Variants in STPG4 observed in about 807,000 individuals in gnomAD.
STPG4 encodes sperm-tail PG-rich repeat containing 4, also known as protein STPG4.
A neutral mutation model predicts 31.5 loss-of-function variants in STPG4; 41 were observed. The ratio of observed to expected loss-of-function variants is 1.30; its 90% CI spans 1.01 to 1.69. The LOEUF is 1.69. STPG4 is among the 40% of genes most tolerant of loss of function. The pLI is 0.00. For synonymous variants in STPG4, 141 were observed against 103.0 expected (o/e 1.37, Z -2.24); for missense variants, 375 against 293.4 (o/e 1.28, Z -2.03).
intron 5 of STPG4, among the ~76,000 whole-genome samples, chr2:47,091,864 T>C (rs1301794733): frequency 2.0e-5 from 3 of 152,034 alleles, no homozygotes; most frequent in Admixed American, 1.3e-4. Flanking sequence ...GACTGTAACA[T>C]TGTTTCCAAA....
chr2:47,114,275 T>C (rs1270484266), intron 5 of STPG4, among the ~76,000 whole-genome samples: 1 of 151,788 alleles, frequency 6.6e-6, no homozygotes, highest in Non-Finnish European at 1.5e-5. Context: ...AAGTCTGAGG[T>C]GGGCAGATCG....
chr2:47,112,934 G>A (rs2103756854), intron 5 of STPG4, among the ~76,000 whole-genome samples: 1 of 145,610 alleles, frequency 6.9e-6, no homozygotes, highest in Middle Eastern at 3.5e-3. Context: ...GGAGCCTGCA[G>A]TGAGCCAAGA....
chr2:47,089,938 G>T (rs1236127912), intron 6 of STPG4, among the ~76,000 whole-genome samples: 1 of 152,176 alleles, frequency 6.6e-6, no homozygotes, highest in East Asian at 1.9e-4. Context: ...CTGGCTGGCA[G>T]GAGGCAGCCA....
Position 47,136,522 on chromosome 2 carries a change from T to C in STPG4, c.400-6262A>G, listed in dbSNP as rs141044803. 2.4e-4 allele frequency among the ~76,000 whole-genome samples: 37 copies of C among 152,354 alleles called. No individual in the cohort carries two copies. In the East Asian group the frequency reaches 6.0e-3, roughly 25 times the overall value. On this transcript the variant is annotated intron_variant, in intron 3 of 6. Coordinates refer to ENST00000445927, the MANE Select transcript of STPG4 (RefSeq NM_001163561.2). ...TCGTGTACATATTTTGTTAGATTTA[T>C]ACCTAAGTATGTCATCTTTCGGCGT...
intron 5 of STPG4, among the ~76,000 whole-genome samples, chr2:47,095,769 C>T (rs1269893550): frequency 1.3e-5 from 2 of 152,218 alleles, no homozygotes; most frequent in Non-Finnish European, 2.9e-5. Context: ...TAAGGATTCA[C>T]TTTCCCAGCC....
chr2:47,097,483 AG>A (rs1332732140), intron 5 of STPG4, among the ~76,000 whole-genome samples: 1 of 152,106 alleles, frequency 6.6e-6, no homozygotes, highest in Non-Finnish European at 1.5e-5. Flanking sequence ...CTTCTTCCTC[AG>A]GGATGGGACT....
chr2:47,113,026 A>G (rs970055022), intron 5 of STPG4, among the ~76,000 whole-genome samples: 5 of 151,686 alleles, frequency 3.3e-5, no homozygotes, highest in African/African-American at 1.2e-4. Context: ...ACAAGTAAAA[A>G]TTAGAAGAAA....
At chr2:47,092,886 G>A (rs971566452) in intron 5 of STPG4, among the ~76,000 whole-genome samples, 2 of 152,026 alleles carry the variant, frequency 1.3e-5, no homozygotes, top group Non-Finnish European at 2.9e-5. Flanking sequence ...TCCGCCTCCT[G>A]GGTTCAAGCG....
intron 3 of STPG4, among the ~76,000 whole-genome samples, chr2:47,133,568 A>ATTTTTTTTTT (rs1347133934): frequency 3.9e-4 from 14 of 36,360 alleles, no homozygotes; most frequent in Non-Finnish European, 9.6e-4. Context: ...AGGCACTCAA[A>ATTTTTTTTTT]TCTTTTTTTT....
intron 3 of STPG4, among the ~76,000 whole-genome samples, chr2:47,147,971 A>C (rs1259348822): frequency 8.5e-6 from 1 of 117,488 alleles, no homozygotes; most frequent in Non-Finnish European, 1.8e-5. Context: ...TTTTTTTTTG[A>C]GACCGGGTCT....
chr2:47,149,443 T>C (rs1286709352), intron 3 of STPG4, among the ~76,000 whole-genome samples: 1 of 152,210 alleles, frequency 6.6e-6, no homozygotes, highest in Admixed American at 6.5e-5. Context: ...ATTTCACACA[T>C]AGCCTGGTTA....
intron 5 of STPG4, among the ~76,000 whole-genome samples, chr2:47,123,442 C>T (rs781192653): frequency 5.7e-4 from 86 of 152,034 alleles, no homozygotes; most frequent in Admixed American, 7.2e-4. Context: ...CATAAGCTTA[C>T]GTTCTAGTGA....
intron 5 of STPG4, among the ~76,000 whole-genome samples, chr2:47,107,956 A>C (rs1407564802): frequency 6.7e-6 from 1 of 150,266 alleles, no homozygotes; most frequent in African/African-American, 2.5e-5. Flanking sequence ...TTGTAAATAC[A>C]CCAATCGGCA....
intron 5 of STPG4, among the ~76,000 whole-genome samples, chr2:47,111,782 T>C (rs555403463): frequency 6.6e-6 from 1 of 152,336 alleles, no homozygotes; most frequent in Non-Finnish European, 1.5e-5. Flanking sequence ...AAAAAAATGA[T>C]GCTGATCCAT....
At chr2:47,143,289 T>C (rs1686753505) in intron 3 of STPG4, among the ~76,000 whole-genome samples, 1 of 152,206 alleles carries the variant, frequency 6.6e-6, no homozygotes, top group Non-Finnish European at 1.5e-5. Flanking sequence ...AAACAACGTG[T>C]GAGAGTATCT....
At chr2:47,121,830 T>G (rs1213829292) in intron 5 of STPG4, among the ~76,000 whole-genome samples, 3 of 146,576 alleles carry the variant, frequency 2.0e-5, no homozygotes, top group Non-Finnish European at 3.0e-5. Flanking sequence ...GCTTCTATAT[T>G]TGAATTGCCC....
chr2:47,091,711 A>C (rs1226555597), intron 5 of STPG4, among the ~76,000 whole-genome samples: 1 of 152,174 alleles, frequency 6.6e-6, no homozygotes, highest in Non-Finnish European at 1.5e-5. Flanking sequence ...TCAATACAGT[A>C]TTCTAAGTTG....
intron 5 of STPG4, among the ~76,000 whole-genome samples, chr2:47,105,457 G>A (rs1360475476): frequency 6.6e-6 from 1 of 151,972 alleles, no homozygotes; most frequent in Non-Finnish European, 1.5e-5. Flanking sequence ...ACTCCTTGAG[G>A]GACTGGTGCT....
rs766892812 is a variant in STPG4, at chr2:47,099,523, A to C, written c.520-9149T>G. 3.9e-4 allele frequency among the ~76,000 whole-genome samples: 59 copies of C among 152,382 alleles called. 1 individual carries two copies. The highest frequency in any genetic ancestry group is 6.9e-4 in the Non-Finnish European group (47 of 68,040). Reference sequence around the variant, plus strand: ...GAATGAAGGGCATTGAGAAGAATGGAAATCTGGAAGGCCATCTTTCTATTT... The same window carrying C: ...GAATGAAGGGCATTGAGAAGAATGGCAATCTGGAAGGCCATCTTTCTATTT... On this transcript the variant is annotated intron_variant, in intron 5 of 6. Coordinates refer to ENST00000445927, the MANE Select transcript of STPG4 (RefSeq NM_001163561.2).
Sources: gnomAD v4.1 joint callset for allele counts (sites outside exome capture counted in the v4.1 genomes callset) on GRCh38, gnomAD v4.1.1 for gene constraint, MANE v1.5 for transcripts, NCBI Gene and HGNC (gene_info 2026-07-23, HGNC 2026-07-21) for gene names.